The following NEBL variants were observed in gnomAD, a reference collection of about 807,000 sequenced individuals.
NEBL encodes nebulette, also known as LIM and SH3 protein 2.
A neutral mutation model predicts 140.2 loss-of-function variants in NEBL; 122 were observed. The ratio of observed to expected loss-of-function variants is 0.87; its 90% confidence interval spans 0.75 to 1.01. The LOEUF is 1.01. Among genes scored for constraint, NEBL ranks in the 50% least tolerant of loss-of-function variants. The probability of loss-of-function intolerance (pLI) is 0.00; values close to 1 mark genes in which losing one functional copy is unlikely to be tolerated. For missense variants in NEBL, 1,365 were observed against 1,231.3 expected (o/e 1.11, Z -1.62); for synonymous variants, 436 against 398.9 (o/e 1.09, Z -1.11).
chr10:20,836,469 C>T (rs1394166370), intron 13 of NEBL, among the ~76,000 whole-genome samples: 1 of 152,092 alleles, frequency 6.6e-6, no homozygotes, highest in East Asian at 1.9e-4. Flanking sequence ...GTGATCCACC[C>T]ACCTCGGCCT....
At position 20,787,795 on chromosome 10, in the gene NEBL, G is replaced by A. The variant is rs75541222; in HGVS notation, c.2762-487C>T. 2.0e-3 allele frequency among the ~76,000 whole-genome samples: 309 copies of A among 152,164 alleles called. 9 individuals are homozygous for A. In the East Asian group the frequency reaches 0.05, roughly 25 times the overall value. Reference sequence around the variant, plus strand: ...CTTTTACAAAGACGGCAAACATAACGTATGTTTAGCAACACGTTTGTTCGG... The same window carrying A: ...CTTTTACAAAGACGGCAAACATAACATATGTTTAGCAACACGTTTGTTCGG... On this transcript the variant is annotated intron_variant, in intron 26 of 27. Transcript: ENST00000377122.
intron 2 of NEBL, among the ~76,000 whole-genome samples, chr10:21,089,078 G>C (rs1836786631): frequency 6.6e-6 from 1 of 152,170 alleles, no homozygotes; most frequent in African/African-American, 2.4e-5. Flanking sequence ...GGCAGAACAG[G>C]TGTTAAGGAG....
chr10:20,918,658 C>A (rs1010817287), intron 4 of NEBL, among the ~76,000 whole-genome samples: 5 of 151,318 alleles, frequency 3.3e-5, no homozygotes, highest in African/African-American at 1.2e-4. Context: ...ACCATCCTGG[C>A]GAAGGCGGTG....
chr10:20,894,469 T>C (rs1847273872), intron 2 of NEBL, among the ~76,000 whole-genome samples: 2 of 142,786 alleles, frequency 1.4e-5, no homozygotes, highest in African/African-American at 5.2e-5. Flanking sequence ...TGAGACTCTG[T>C]CCAGAAAAAT....
intron 3 of NEBL, among the ~76,000 whole-genome samples, chr10:21,214,542 CATGCACACACAT>C (rs1444660459): frequency 6.6e-6 from 1 of 151,422 alleles, no homozygotes; most frequent in Non-Finnish European, 1.5e-5. Flanking sequence ...CACATACACA[CATGCACACACAT>C]GTGCACACAT....
chr10:21,179,724 CAA>C (rs11446563), upstream of NEBL, among the ~76,000 whole-genome samples: 21 of 137,744 alleles, frequency 1.5e-4, no homozygotes, highest in East Asian at 6.1e-4. Context: ...AGAGATGTGA[CAA>C]AAAAAAAAAA....
chr10:20,877,671 C>T (rs904901708), intron 5 of NEBL, among the ~76,000 whole-genome samples: 1 of 152,152 alleles, frequency 6.6e-6, no homozygotes, highest in Non-Finnish European at 1.5e-5. Flanking sequence ...CAGTAGGGAG[C>T]AGACAACATG....
At chr10:21,007,268 C>T (rs1838173949) in intron 3 of NEBL, among the ~76,000 whole-genome samples, 1 of 152,194 alleles carries the variant, frequency 6.6e-6, no homozygotes, top group Non-Finnish European at 1.5e-5. Context: ...GCTGGCAGGG[C>T]TGGGCCAAAG....
intron 6 of NEBL, among the ~76,000 whole-genome samples, chr10:20,869,499 G>A (rs1844693141): frequency 6.6e-6 from 1 of 152,034 alleles, no homozygotes; most frequent in African/African-American, 2.4e-5. Context: ...TACCTAAATA[G>A]TATTTATTTC....
intron 3 of NEBL, among the ~76,000 whole-genome samples, chr10:21,004,756 G>C (rs551377639): frequency 5.9e-5 from 9 of 152,116 alleles, no homozygotes; most frequent in Non-Finnish European, 1.0e-4. Flanking sequence ...TAACAATGCA[G>C]ATTTCTGGGC....
intron 2 of NEBL, among the ~76,000 whole-genome samples, chr10:21,115,946 C>T (rs1589250109): frequency 6.6e-6 from 1 of 151,906 alleles, no homozygotes; most frequent in African/African-American, 2.4e-5. Flanking sequence ...TCTTTTTAGT[C>T]TTCTTTTTTC....
chr10:20,812,984 C>T (rs1468887582), intron 23 of NEBL, 44 bp from the exon 24 acceptor site: 1 of 1,511,480 alleles, frequency 6.6e-7, no homozygotes, highest in African/African-American at 1.4e-5. Flanking sequence ...CGGATAGTTA[C>T]CTCTTTCACA....
At chr10:21,186,988 A>ATGTGTGTG (rs35359446) in intron 3 of NEBL, among the ~76,000 whole-genome samples, 98 of 141,982 alleles carry the variant, frequency 6.9e-4, no homozygotes, top group East Asian at 1.9e-3. Context: ...CCAACTCTGT[A>ATGTGTGTG]TGTGTGTGTG....
chr10:21,026,561 A>G (rs149877659), intron 2 of NEBL, among the ~76,000 whole-genome samples: 1 of 152,112 alleles, frequency 6.6e-6, no homozygotes, highest in Non-Finnish European at 1.5e-5. Flanking sequence ...ATCCATCTCC[A>G]TCTTCTCCCT....
At chr10:21,098,057 G>T (rs1837280268) in intron 2 of NEBL, among the ~76,000 whole-genome samples, 1 of 152,132 alleles carries the variant, frequency 6.6e-6, no homozygotes, top group African/African-American at 2.4e-5. Flanking sequence ...TTATCTAAAT[G>T]TTGCAAAAGG....
intron 4 of NEBL, among the ~76,000 whole-genome samples, chr10:20,941,621 G>T (rs11511164): frequency 0.68 from 99,517 of 147,350 alleles, 34,005 homozygotes; most frequent in Admixed American, 0.79. Flanking sequence ...GGGTATTCAA[G>T]TAGGAAAAGA....
intron 4 of NEBL, among the ~76,000 whole-genome samples, chr10:20,904,384 A>G (rs1848003755): frequency 6.6e-6 from 1 of 152,182 alleles, no homozygotes. Flanking sequence ...TGAGTTAAAA[A>G]TCTTTGAAAC....
intron 24 of NEBL, 27 bp downstream of exon 24, chr10:20,812,742 A>T (rs763146293): frequency 1.2e-6 from 2 of 1,613,000 alleles, no homozygotes; most frequent in Admixed American, 1.7e-5. Context: ...GACCACACAC[A>T]CCGGCCGACA....
At chr10:21,060,407 G>A (rs16921520) in intron 2 of NEBL, among the ~76,000 whole-genome samples, 2,507 of 152,250 alleles carry the variant, frequency 0.016, 66 homozygotes, top group African/African-American at 0.057. Context: ...ACCTGGAATG[G>A]TGGTTCTCAA....
Sources: gnomAD v4.1 joint callset for allele counts (sites outside exome capture counted in the v4.1 genomes callset) on GRCh38, gnomAD v4.1.1 for gene constraint, MANE v1.5 for transcripts, NCBI Gene and HGNC (gene_info 2026-07-23, HGNC 2026-07-21) for gene names.